The following BRCA1 variants were observed in gnomAD, a reference collection of about 807,000 sequenced individuals.
The protein encoded by BRCA1 is BRCA1 DNA repair associated.
Under a neutral mutation model 173.7 loss-of-function variants are expected in BRCA1, and 140 were observed. The observed-to-expected ratio is 0.81, with a 90% confidence interval of 0.70 to 0.93. The LOEUF is 0.93. Ranked by LOEUF, BRCA1 falls within the 40% of genes least tolerant of loss-of-function variation. The probability of loss-of-function intolerance (pLI) is 0.00; values close to 1 mark genes in which losing one functional copy is unlikely to be tolerated. For synonymous variants in BRCA1, 662 were observed against 756.0 expected (o/e 0.88, Z 2.04); for missense variants, 1,983 against 2,172.5 (o/e 0.91, Z 1.73).
chr17:43,153,458 C>T (rs1303363563), intron 1 of BRCA1: 2 of 152,124 alleles, frequency 1.3e-5, no homozygotes, highest in Non-Finnish European at 2.9e-5. Flanking sequence ...AAATGTTTTT[C>T]CTTGAAAAGT....
chr17:43,130,961 C>T (rs1000343938), intron 1 of BRCA1, among the ~76,000 whole-genome samples: 1 of 152,162 alleles, frequency 6.6e-6, no homozygotes, highest in Non-Finnish European at 1.5e-5. Flanking sequence ...GTTCTGACTT[C>T]TTCTATGAAT....
intron 2 of BRCA1, among the ~76,000 whole-genome samples, chr17:43,121,018 C>A (rs973774190): frequency 6.6e-5 from 10 of 151,108 alleles, no homozygotes; most frequent in Non-Finnish European, 1.3e-4. Flanking sequence ...TGCAGTGAGC[C>A]AAGATGGCGC....
At chr17:43,164,032 G>A (rs2056252155) in intron 1 of BRCA1, 1 of 152,198 alleles carries the variant, frequency 6.6e-6, no homozygotes, top group South Asian at 2.1e-4. Flanking sequence ...GGACAATCTG[G>A]GCCTCTGGCC....
At chr17:43,156,103 G>T (rs998626259) in intron 1 of BRCA1, among the ~76,000 whole-genome samples, 1 of 152,074 alleles carries the variant, frequency 6.6e-6, no homozygotes, top group Admixed American at 6.6e-5. Flanking sequence ...CAGGCATGGT[G>T]GCACGCACCT....
chr17:43,084,383 C>T (rs1018731792), intron 11 of BRCA1, among the ~76,000 whole-genome samples: 1 of 151,808 alleles, frequency 6.6e-6, no homozygotes, highest in African/African-American at 2.4e-5. Flanking sequence ...CCAGGCTGGT[C>T]TTGAACTCCT....
chr17:43,126,723 G>T (rs2055886862), upstream of BRCA1, among the ~76,000 whole-genome samples: 1 of 152,088 alleles, frequency 6.6e-6, no homozygotes, highest in Non-Finnish European at 1.5e-5. Context: ...CCTCGGCCTT[G>T]GCGTCCATTC....
chr17:43,060,672 G>GT (rs529790921), intron 18 of BRCA1, among the ~76,000 whole-genome samples: 339 of 148,490 alleles, frequency 2.3e-3, no homozygotes, highest in Non-Finnish European at 3.6e-3. Flanking sequence ...CACCATGCTA[G>GT]TTTTTTGTAT....
chr17:43,073,637 TA>T lies in BRCA1; in HGVS notation c.4675+693del, dbSNP rs5820482. On this transcript the variant is annotated intron_variant, in intron 14 of 22. Transcript: ENST00000357654. Reference sequence around the variant, plus strand: ...GTAGTCATTTATATTCATTAACTCATAAAAAAAACTTGCTTTGGGATTTGAC... The same window carrying T: ...GTAGTCATTTATATTCATTAACTCATAAAAAAACTTGCTTTGGGATTTGAC... Among the ~76,000 whole-genome samples, 12,797 of 152,018 alleles carry T rather than the reference TA, an allele frequency of 0.084. 731 individuals carry two copies. The highest frequency in any genetic ancestry group is 0.15 in the South Asian group (718 of 4,808).
intron 9 of BRCA1, among the ~76,000 whole-genome samples, chr17:43,095,311 G>C (rs1339957344): frequency 1.3e-5 from 2 of 152,248 alleles, no homozygotes; most frequent in African/African-American, 2.4e-5. Flanking sequence ...GCCAGGCACA[G>C]TGGCTCAAGC....
Position 43,044,608 on chromosome 17 carries a change from G to C in BRCA1, c.*1070C>G, listed in dbSNP as rs185966495. On this transcript the variant is annotated 3_prime_UTR_variant, in exon 23 of 23. Transcript: ENST00000357654. ...TTATAGATATGAAATATTCATGCCA[G>C]AGGTCTTATATTTTAAGAGGAATGG... is the stretch of plus-strand genomic sequence containing the variant. The C allele has an allele frequency of 1.6e-5, 8 of 503,954 alleles. No individual in the cohort carries two copies. The East Asian group carries it at 3.6e-4, about 23-fold the overall frequency. The allele number at this position is 503,954 out of a possible 1,614,324, so 31.2% of individuals were successfully genotyped here.
intron 18 of BRCA1, among the ~76,000 whole-genome samples, chr17:43,060,681 A>AT (rs1375773759): frequency 3.6e-5 from 5 of 139,014 alleles, no homozygotes; most frequent in African/African-American, 1.3e-4. Context: ...AGTTTTTTGT[A>AT]TTTTTAGTAG....
At chr17:43,112,114 G>T (rs1389470532) in intron 3 of BRCA1, among the ~76,000 whole-genome samples, 2 of 151,358 alleles carry the variant, frequency 1.3e-5, no homozygotes, top group Non-Finnish European at 2.9e-5. Context: ...TTTTGAGACG[G>T]AATCTTGCTC....
intron 3 of BRCA1, among the ~76,000 whole-genome samples, chr17:43,107,835 T>C (rs2054863366): frequency 6.6e-6 from 1 of 152,170 alleles, no homozygotes; most frequent in Non-Finnish European, 1.5e-5. Flanking sequence ...GCAATGGTGA[T>C]GATAATTAAA....
chr17:43,144,914 G>A (rs967703166), intron 1 of BRCA1: 6 of 563,008 alleles, frequency 1.1e-5, no homozygotes, highest in East Asian at 9.3e-5. Flanking sequence ...TAGGCACACC[G>A]CGGCCAGCAG....
intron 1 of BRCA1, among the ~76,000 whole-genome samples, chr17:43,147,988 C>A (rs1388984314): frequency 6.6e-6 from 1 of 152,216 alleles, no homozygotes; most frequent in Non-Finnish European, 1.5e-5. Context: ...TTAGTTCCAT[C>A]CATTTCAGCT....
chr17:43,068,570 A>G (rs950642886), intron 15 of BRCA1, among the ~76,000 whole-genome samples: 7 of 151,660 alleles, frequency 4.6e-5, no homozygotes, highest in Non-Finnish European at 1.0e-4. Context: ...AAAAAAAAGT[A>G]AAAAGAAAAA....
At chr17:43,137,289 A>AG (rs1163427186) in intron 1 of BRCA1, among the ~76,000 whole-genome samples, 1 of 23,678 alleles carries the variant, frequency 4.2e-5, no homozygotes, top group African/African-American at 1.8e-4. Context: ...GGGTGGGGGG[A>AG]GGGGGGAGGG....
chr17:43,125,343 C>T lies in BRCA1; in HGVS notation c.-92G>A, dbSNP rs1359109190. 2 of 443,198 alleles carry T rather than the reference C, an allele frequency of 4.5e-6. No homozygotes were observed. The highest frequency in any genetic ancestry group is 1.6e-5 in the South Asian group (1 of 64,154). 27.5% of individuals were successfully genotyped at this position (443,198 alleles called of 1,614,324 possible). A position where few individuals can be genotyped will look rare whatever the true frequency, so the allele number is the denominator to read the frequency against. On this transcript the variant is annotated 5_prime_UTR_variant, in exon 1 of 23. Coordinates refer to ENST00000357654, the MANE Select transcript of BRCA1 (RefSeq NM_007294.4). ...TTATCTGAGAAACCCCACAGCCTGTCCCCCGTCCAGGAAGTCTCAGCGAGC... is the reference window on the plus strand; with the variant it reads ...TTATCTGAGAAACCCCACAGCCTGTTCCCCGTCCAGGAAGTCTCAGCGAGC...
upstream of BRCA1, among the ~76,000 whole-genome samples, chr17:43,129,285 C>G (rs1168597384): frequency 6.6e-6 from 1 of 152,136 alleles, no homozygotes; most frequent in Non-Finnish European, 1.5e-5. Flanking sequence ...ACATGCCAGC[C>G]AAAGAGAGTT....
Sources: gnomAD v4.1 joint callset for allele counts (sites outside exome capture counted in the v4.1 genomes callset) on GRCh38, gnomAD v4.1.1 for gene constraint, MANE v1.5 for transcripts, NCBI Gene and HGNC (gene_info 2026-07-23, HGNC 2026-07-21) for gene names.